NLRP4: variants seen among roughly 807,000 people sequenced by gnomAD.
The protein encoded by NLRP4 is NLR family pyrin domain containing 4, also known as NACHT, LRR and PYD domains-containing protein 4.
A neutral mutation model predicts 84.7 loss-of-function variants in NLRP4; 44 were observed. The ratio of observed to expected loss-of-function variants is 0.52; its 90% CI spans 0.41 to 0.67. The LOEUF (loss-of-function observed/expected upper bound fraction) is 0.67, where lower values mean the gene tolerates loss of function less well. Among genes scored for constraint, NLRP4 ranks in the 30% least tolerant of loss-of-function variants. NLRP4 has a pLI of 0.00. For synonymous variants in NLRP4, 544 were observed against 476.4 expected, an observed-to-expected ratio of 1.14 and a Z score of -1.85; for missense variants, 1,260 against 1,219.4, an observed-to-expected ratio of 1.03 and a Z score of -0.50.
chr19:55,847,808 G>A (rs909572452), intron 1 of NLRP4, among the ~76,000 whole-genome samples: 16 of 149,546 alleles, frequency 1.1e-4, no homozygotes, highest in African/African-American at 2.5e-4. Context: ...TCTGCCTCCC[G>A]GGTTCAAGTG....
At chr19:55,867,259 G>A (rs757521692) in intron 5 of NLRP4, among the ~76,000 whole-genome samples, 3 of 151,662 alleles carry the variant, frequency 2.0e-5, no homozygotes, top group Non-Finnish European at 4.4e-5. Context: ...AACAGATGGT[G>A]CGTCTCAGGT....
chr19:55,859,433 C>T (rs1390949546), intron 3 of NLRP4, among the ~76,000 whole-genome samples, 184 bp downstream of exon 3: 1 of 152,164 alleles, frequency 6.6e-6, no homozygotes, highest in Non-Finnish European at 1.5e-5. Context: ...GAGCCTTGCC[C>T]TTTTGTGGCT....
chr19:55,851,625 AATGTCCGAGGCTGCG>A (rs1984148987), intron 1 of NLRP4, among the ~76,000 whole-genome samples: 1 of 102,372 alleles, frequency 9.8e-6, no homozygotes, highest in East Asian at 3.2e-4. Context: ...GCTGCGGTGT[AATGTCCGAGGCTGCG>A]GTGTAATGTC....
At chr19:55,855,309 A>T (rs1184019599) in intron 2 of NLRP4, among the ~76,000 whole-genome samples, 1 of 152,248 alleles carries the variant, frequency 6.6e-6, no homozygotes, top group Non-Finnish European at 1.5e-5. Flanking sequence ...TAGATCTTCC[A>T]CTGGGTACTT....
chr19:55,878,202 G>C (rs964095058), intron 8 of NLRP4, among the ~76,000 whole-genome samples: 1 of 152,124 alleles, frequency 6.6e-6, no homozygotes, highest in Non-Finnish European at 1.5e-5. Context: ...AGGAGGTCAA[G>C]GCTGCAATGA....
intron 5 of NLRP4, 139 bp from the exon 6 acceptor site, chr19:55,867,568 CAG>C (rs1239775812): frequency 2.9e-6 from 2 of 686,344 alleles, no homozygotes; most frequent in African/African-American, 3.6e-5. Flanking sequence ...ACTGGGTTGA[CAG>C]GGATCAAGAA....
At position 55,856,661 on chromosome 19, in the gene NLRP4, A is replaced by C. The variant is rs184279885; in HGVS notation, c.281-1013A>C. ...CTCCCAAGTAGCTGGGACTACAGGC[A>C]CACACCACCACGCCCGGCTAATTTT... is the stretch of plus-strand genomic sequence containing the variant. On this transcript the variant is annotated intron_variant, in intron 2 of 9. Transcript: ENST00000301295. Among the ~76,000 whole-genome samples the C allele has an allele frequency of 3.3e-5, 5 of 151,546 alleles. No homozygotes were observed. In the South Asian group the frequency reaches 1.0e-3, roughly 32 times the overall value.
At position 55,878,841 on chromosome 19, in the gene NLRP4, C is replaced by T; in HGVS notation, c.2744C>T (p.Ser915Phe). Residue 915 changes from serine to phenylalanine, a missense_variant, in exon 9 of 10, where the codon TCT becomes TTT. By Grantham distance (155) the Ser-to-Phe change is radical (BLOSUM62 -2). Transcript: ENST00000301295. ...AGCACCTGCTGTAAGGATCTCGCGTCTGTTCTCACCTGCAGTAAGACCCTG... is the reference window on the plus strand; with the variant it reads ...AGCACCTGCTGTAAGGATCTCGCGTTTGTTCTCACCTGCAGTAAGACCCTG... ...LTSTCCKDLA[S>F]VLTCSKTLQQ... is the part of the protein sequence containing the mutation. 6.2e-7 allele frequency: 1 copy of T among 1,613,898 alleles called. No individual in the cohort carries two copies. Among genetic ancestry groups the T allele is most frequent in the Non-Finnish European group, 8.5e-7 (1 of 1,179,840 alleles).
chr19:55,841,415 C>T lies in NLRP4; in HGVS notation c.-66+4481C>T, dbSNP rs151023880. Among the ~76,000 whole-genome samples the T allele has an allele frequency of 7.1e-3, 1,077 of 152,274 alleles. 13 individuals are homozygous for T. Among genetic ancestry groups the T allele is most frequent in the Middle Eastern group, 0.054 (16 of 294 alleles). The stretch of plus-strand genomic sequence containing the variant: ...TTTCTGTGCCTGCCTTATTTTACCT[C>T]GTGTCCTCCACGTTCATCCAGGTTG... On this transcript the variant is annotated intron_variant, in intron 1 of 9. Transcript: ENST00000301295.
At chr19:55,870,764 A>G in intron 6 of NLRP4, 63 bp from the exon 7 acceptor site, 1 of 1,210,944 alleles carries the variant, frequency 8.3e-7, no homozygotes, top group Non-Finnish European at 1.2e-6. Context: ...TGTGAAATTA[A>G]GCAAATCTCC....
chr19:55,873,870 T>TA (rs1365675374), intron 7 of NLRP4, among the ~76,000 whole-genome samples: 1 of 152,102 alleles, frequency 6.6e-6, no homozygotes, highest in Non-Finnish European at 1.5e-5. Flanking sequence ...AATTAGAACA[T>TA]ATGTTGAAAT....
At chr19:55,876,735 T>C (rs1985386659) in intron 7 of NLRP4, among the ~76,000 whole-genome samples, 1 of 152,228 alleles carries the variant, frequency 6.6e-6, no homozygotes, top group Non-Finnish European at 1.5e-5. Flanking sequence ...TACTGTGATA[T>C]GTAATACAAT....
chr19:55,849,650 C>G (rs1299293531), intron 1 of NLRP4, among the ~76,000 whole-genome samples: 1 of 152,188 alleles, frequency 6.6e-6, no homozygotes, highest in South Asian at 2.1e-4. Context: ...TCCATTGTGC[C>G]TTTGTCAAAA....
intron 8 of NLRP4, 85 bp downstream of exon 8, chr19:55,877,251 C>T (rs147920052): frequency 7.2e-6 from 9 of 1,248,364 alleles, no homozygotes; most frequent in Non-Finnish European, 1.0e-5. Flanking sequence ...ATGAAAACTC[C>T]AACAGGACCA....
chr19:55,854,605 A>G (rs1984337446), intron 2 of NLRP4, among the ~76,000 whole-genome samples: 1 of 152,200 alleles, frequency 6.6e-6, no homozygotes, highest in African/African-American at 2.4e-5. Context: ...AATATTGAGG[A>G]TTAAAATAAT....
rs1985472549 is a variant in NLRP4, at chr19:55,878,790, G to T, written c.2697-4G>T. The T allele has an allele frequency of 3.1e-6, 5 of 1,608,630 alleles. No homozygotes were observed. The highest frequency in any genetic ancestry group is 1.3e-5 in the African/African-American group (1 of 74,996). On this transcript the variant is annotated splice_region_variant and splice_polypyrimidine_tract_variant and intron_variant, in intron 8 of 9. Coordinates refer to ENST00000301295, the MANE Select transcript of NLRP4 (RefSeq NM_134444.5). ...GCATCTTACCATGTGTCTTTTTATT[G>T]CAGGTTGGAAGAATGTGGGTTAACG...
At chr19:55,860,540 C>T (rs939032033) in intron 3 of NLRP4, among the ~76,000 whole-genome samples, 1 of 152,116 alleles carries the variant, frequency 6.6e-6, no homozygotes, top group Non-Finnish European at 1.5e-5. Flanking sequence ...CATGATCGTG[C>T]CACTGTATAA....
chr19:55,857,527 T>A, intron 2 of NLRP4, 147 bp from the exon 3 acceptor site: 1 of 654,232 alleles, frequency 1.5e-6, no homozygotes, highest in South Asian at 1.9e-5. Flanking sequence ...TAATGAAACT[T>A]TATTTACAAG....
intron 2 of NLRP4, among the ~76,000 whole-genome samples, chr19:55,853,193 T>C (rs1007713131): frequency 1.3e-5 from 2 of 152,384 alleles, no homozygotes; most frequent in African/African-American, 2.4e-5. Flanking sequence ...CTTTCAACTT[T>C]ACTGCCAAAT....
Sources: gnomAD v4.1 joint callset for allele counts (sites outside exome capture counted in the v4.1 genomes callset) on GRCh38, gnomAD v4.1.1 for gene constraint, MANE v1.5 for transcripts, NCBI Gene and HGNC (gene_info 2026-07-23, HGNC 2026-07-21) for gene names.